The following PRUNE2 variants were observed in gnomAD, a reference collection of about 807,000 sequenced individuals.
PRUNE2 encodes prune homolog 2 with BCH domain, also known as protein prune homolog 2.
In PRUNE2, 164 loss-of-function variants were observed where a neutral mutation model predicts 252.0. The observed-to-expected ratio is 0.65, with a 90% CI of 0.57 to 0.74. The LOEUF is 0.74. Among genes scored for constraint, PRUNE2 ranks in the 30% least tolerant of loss-of-function variants. The probability of loss-of-function intolerance (pLI) is 0.00; values close to 1 mark genes in which losing one functional copy is unlikely to be tolerated. For synonymous variants in PRUNE2, 1,292 were observed against 1,350.2 expected, an observed-to-expected ratio of 0.96 and a Z score of 0.94; for missense variants, 3,495 against 3,711.0, an observed-to-expected ratio of 0.94 and a Z score of 1.51.
Position 76,708,536 on chromosome 9 carries a change from C to G in PRUNE2, c.3738G>C (p.Arg1246Ser), listed in dbSNP as rs2134934698. The change falls in exon 8 of 19, where the codon AGG (arginine) becomes AGC (serine). Residue 1246 changes from arginine (R) to serine (S), a missense_variant. Transcript: ENST00000376718. ...GGCTGGGGATTTCAGGAGGCAATTC[C>G]CTTTGCTCTGAATCTGTGATATGTG... The part of the protein sequence containing the change: ...GSSHITDSEQ[R>S]ELPPEIPSHS... 1 of 1,613,870 alleles carries G rather than the reference C, an allele frequency of 6.2e-7. No homozygotes were observed. Among genetic ancestry groups the G allele is most frequent in the Non-Finnish European group, 8.5e-7 (1 of 1,179,882 alleles).
In PRUNE2 at chr9:76,846,581, C is replaced by T. The variant is rs765205658; in HGVS notation, c.442G>A (p.Val148Met). The T allele has an allele frequency of 1.1e-5, 17 of 1,613,958 alleles. No individual in the cohort carries two copies. The highest frequency in any genetic ancestry group is 2.2e-5 in the East Asian group (1 of 44,888). The stretch of plus-strand genomic sequence containing the variant: ...GCCTCTTGGAGAATCTCCTTTAGCA[C>T]GAGAGAAGAGGAAGACTCTCGGAAC... The part of the protein sequence containing the change: ...VEFRESSSSL[V>M]LKEILQEAPE... Residue 148 changes from valine to methionine, a missense_variant, in exon 4 of 19, where the codon GTG becomes ATG. By Grantham distance (21) the Val-to-Met change is conservative. Coordinates refer to ENST00000376718, the MANE Select transcript of PRUNE2 (RefSeq NM_015225.3).
At chr9:76,823,351 C>A in intron 6 of PRUNE2, 1 of 316,222 alleles carries the variant, frequency 3.2e-6, no homozygotes, top group African/African-American at 2.1e-5. Flanking sequence ...TGCTATTAAA[C>A]AGGTTAAATA....
intron 9 of PRUNE2, among the ~76,000 whole-genome samples, chr9:76,667,324 T>G (rs1229233242): frequency 6.6e-6 from 1 of 152,244 alleles, no homozygotes; most frequent in Non-Finnish European, 1.5e-5. Flanking sequence ...ACCATTGTTT[T>G]TCTTCAGAAT....
chr9:76,698,261 G>A (rs574321612), intron 9 of PRUNE2, among the ~76,000 whole-genome samples: 1 of 152,072 alleles, frequency 6.6e-6, no homozygotes, highest in Admixed American at 6.5e-5. Context: ...TGGCTAGGCT[G>A]GTCTCAAACT....
intron 15 of PRUNE2, 137 bp downstream of exon 15, chr9:76,636,334 C>G: frequency 1.6e-6 from 1 of 613,638 alleles, no homozygotes; most frequent in South Asian, 2.0e-5. Flanking sequence ...TAGTCCAAAG[C>G]ACCTTTCTAG....
At chr9:76,854,629 C>T (rs1192663532) in intron 1 of PRUNE2, among the ~76,000 whole-genome samples, 1 of 152,042 alleles carries the variant, frequency 6.6e-6, no homozygotes, top group Non-Finnish European at 1.5e-5. Context: ...CAAACAGACA[C>T]AGAGTTTGGT....
chr9:76,710,788 A>T lies in PRUNE2; in HGVS notation c.1486T>A (p.Phe496Ile). Reference sequence around the variant, plus strand: ...CCAGAAGCCATGGGTGCTGGGTCAAAATTGAAGAGGTCGAAGTGCTCACCG... The same window carrying T: ...CCAGAAGCCATGGGTGCTGGGTCAATATTGAAGAGGTCGAAGTGCTCACCG... The part of the protein sequence containing the change: ...EHGEHFDLFN[F>I]DPAPMASGQS... The change falls in exon 8 of 19, where the codon TTT becomes ATT. Residue 496 changes from phenylalanine (F) to isoleucine (I), a missense_variant. Phe to Ile is a conservative substitution (Grantham distance 21). Coordinates refer to ENST00000376718, the MANE Select transcript of PRUNE2 (RefSeq NM_015225.3). 1 of 1,591,580 alleles carries T rather than the reference A, an allele frequency of 6.3e-7. No homozygotes were observed. The highest frequency in any genetic ancestry group is 8.5e-7 in the Non-Finnish European group (1 of 1,170,678).
chr9:76,880,896 C>G (rs2061735463), intron 1 of PRUNE2, among the ~76,000 whole-genome samples: 1 of 150,770 alleles, frequency 6.6e-6, no homozygotes, highest in African/African-American at 2.4e-5. Flanking sequence ...TTTTTCATTT[C>G]TAATATGGTA....
At chr9:76,667,720 G>C (rs2040470059) in intron 9 of PRUNE2, among the ~76,000 whole-genome samples, 1 of 152,206 alleles carries the variant, frequency 6.6e-6, no homozygotes. Flanking sequence ...TAATCTGCAG[G>C]ACATGGGAGG....
chr9:76,814,078 T>C (rs1415078508), intron 6 of PRUNE2, among the ~76,000 whole-genome samples: 1 of 152,186 alleles, frequency 6.6e-6, no homozygotes, highest in African/African-American at 2.4e-5. Context: ...CCTCCCAAAG[T>C]GAAGGGATTA....
chr9:76,868,775 T>A (rs1438485784), intron 1 of PRUNE2, among the ~76,000 whole-genome samples: 1 of 147,350 alleles, frequency 6.8e-6, no homozygotes, highest in Non-Finnish European at 1.5e-5. Context: ...TTAAAGTATT[T>A]TCATTTTATT....
intron 17 of PRUNE2, among the ~76,000 whole-genome samples, chr9:76,621,946 A>T (rs982840505): frequency 2.0e-5 from 3 of 152,084 alleles, no homozygotes; most frequent in Admixed American, 2.0e-4. Context: ...TCAGCCTCCC[A>T]AAGTCCTGGG....
intron 6 of PRUNE2, among the ~76,000 whole-genome samples, chr9:76,808,151 CT>C (rs2057108158): frequency 6.7e-6 from 1 of 148,566 alleles, no homozygotes; most frequent in African/African-American, 2.5e-5. Flanking sequence ...GCACTCCAGC[CT>C]GGGCAACAGA....
intron 6 of PRUNE2, among the ~76,000 whole-genome samples, chr9:76,822,341 C>T (rs1022534847): frequency 6.6e-6 from 1 of 152,128 alleles, no homozygotes; most frequent in Non-Finnish European, 1.5e-5. Context: ...AGTTTTCATA[C>T]AGATTTATAA....
intron 6 of PRUNE2, among the ~76,000 whole-genome samples, chr9:76,727,643 T>C (rs919536481): frequency 6.9e-6 from 1 of 144,822 alleles, no homozygotes; most frequent in Non-Finnish European, 1.5e-5. Flanking sequence ...CTTCTTCTTC[T>C]TCTTTTTTTT....
chr9:76,694,427 C>T (rs1235753734), intron 9 of PRUNE2, among the ~76,000 whole-genome samples: 1 of 152,298 alleles, frequency 6.6e-6, no homozygotes, highest in South Asian at 2.1e-4. Flanking sequence ...AGGTGATCCT[C>T]TCACCTTGGC....
At position 76,774,460 on chromosome 9, in the gene PRUNE2, T is replaced by TA. The variant is rs1564272674; in HGVS notation, c.756+49171_756+49172insT. On this transcript the variant is annotated intron_variant, in intron 6 of 18. Coordinates refer to ENST00000376718, the MANE Select transcript of PRUNE2 (RefSeq NM_015225.3). ...GCCTCCAGTTCAACCCTTTTTTTTTTTTTTTTTTTTTTTTTTTGAGATGGA... is the reference window on the plus strand; with the variant it reads ...GCCTCCAGTTCAACCCTTTTTTTTTTATTTTTTTTTTTTTTTTTGAGATGGA... 6.2e-3 allele frequency among the ~76,000 whole-genome samples: 859 copies of TA among 138,526 alleles called. 16 individuals are homozygous for TA. Among genetic ancestry groups the TA allele is most frequent in the African/African-American group, 9.1e-3 (339 of 37,168 alleles). The allele number at this position is 138,526 out of a possible 152,430, so 90.9% of individuals were successfully genotyped here.
At chr9:76,820,762 T>C (rs911122619) in intron 6 of PRUNE2, among the ~76,000 whole-genome samples, 1 of 152,168 alleles carries the variant, frequency 6.6e-6, no homozygotes, top group Non-Finnish European at 1.5e-5. Flanking sequence ...CTTGATGTTA[T>C]CCTTCAACCA....
In PRUNE2 at chr9:76,742,481, G is replaced by C. The variant is rs149183280; in HGVS notation, c.757-28760C>G. On this transcript the variant is annotated intron_variant, in intron 6 of 18. Transcript: ENST00000376718. The stretch of plus-strand genomic sequence containing the variant: ...AAGATCAAGAAAATTAGCTAGGTGT[G>C]GTGGCATGTGCCTGTTGTCCAAGCT... Among the ~76,000 whole-genome samples the C allele has an allele frequency of 3.2e-3, 494 of 152,160 alleles. 5 individuals carry two copies. The highest frequency in any genetic ancestry group is 0.012 in the African/African-American group (484 of 41,514).
Sources: gnomAD v4.1 joint callset for allele counts (sites outside exome capture counted in the v4.1 genomes callset) on GRCh38, gnomAD v4.1.1 for gene constraint, MANE v1.5 for transcripts, NCBI Gene and HGNC (gene_info 2026-07-23, HGNC 2026-07-21) for gene names.